Variants in FAM149A observed in about 807,000 individuals in gnomAD.
The protein encoded by FAM149A is family with sequence similarity 149 member A.
FAM149A carries 71 observed loss-of-function variants against 78.2 expected under a neutral mutation model. The ratio of observed to expected loss-of-function variants is 0.91; its 90% CI spans 0.75 to 1.11. The LOEUF (loss-of-function observed/expected upper bound fraction) is 1.11. FAM149A is among the 50% of genes least tolerant of loss of function. The pLI is 0.00. For missense variants in FAM149A, 1,036 were observed against 971.0 expected (o/e 1.07, Z -0.89); for synonymous variants, 446 against 410.5 (o/e 1.09, Z -1.04).
Position 186,163,536 on chromosome 4 carries a change from A to T in FAM149A, c.1792A>T (p.Thr598Ser), listed in dbSNP as rs1303646702. The change falls in exon 10 of 14, where the codon ACA (threonine) becomes TCA (serine). Residue 598 changes from threonine (T) to serine (S), a missense_variant. Around this residue, in one of 3 missense-constraint regions of FAM149A, gnomAD observed 716 missense variants for 711.8 expected, o/e 1.01. Coordinates refer to ENST00000389354, the MANE Select transcript of FAM149A (RefSeq NM_001367768.3). ...TGGATTATCACCTTCTGCAAAGAAA[A>T]CACCAGTGCCCTGGAGGCTGCCTTC... The T allele has an allele frequency of 6.2e-7, 1 of 1,614,134 alleles. No individual in the cohort carries two copies. Among genetic ancestry groups the T allele is most frequent in the Admixed American group, 1.7e-5 (1 of 60,018 alleles).
At chr4:186,137,756 T>C (rs2099324097) in intron 1 of FAM149A, among the ~76,000 whole-genome samples, 1 of 152,020 alleles carries the variant, frequency 6.6e-6, no homozygotes, top group Non-Finnish European at 1.5e-5. Context: ...AAAGAAAAAT[T>C]CTGTTATCAT....
intron 1 of FAM149A, chr4:186,110,082 T>C: frequency 1.0e-6 from 1 of 985,464 alleles, no homozygotes; most frequent in Middle Eastern, 5.2e-4. Flanking sequence ...TTATGTCCAT[T>C]ATCAGACTAT....
At chr4:186,106,003 C>T (rs570439625) in intron 1 of FAM149A, among the ~76,000 whole-genome samples, 12 of 152,242 alleles carry the variant, frequency 7.9e-5, no homozygotes, top group African/African-American at 2.6e-4. Context: ...AGCAGGTGTG[C>T]AGGGAAACCG....
intron 9 of FAM149A, 149 bp from the exon 10 acceptor site, chr4:186,163,275 T>A: frequency 1.6e-6 from 1 of 640,646 alleles, no homozygotes. Flanking sequence ...GAAACAGAAA[T>A]GATGGGTCTT....
At chr4:186,134,438 G>T (rs971697154) in intron 1 of FAM149A, among the ~76,000 whole-genome samples, 14 of 152,180 alleles carry the variant, frequency 9.2e-5, no homozygotes, top group Non-Finnish European at 1.8e-4. Context: ...TTTTTTAGGT[G>T]CATGAGAAAG....
At chr4:186,156,298 A>G in intron 7 of FAM149A, 108 bp downstream of exon 7, 1 of 779,538 alleles carries the variant, frequency 1.3e-6, no homozygotes, top group South Asian at 1.8e-5. Context: ...CAGTGAGAAG[A>G]CAAGTGGGTG....
intron 8 of FAM149A, among the ~76,000 whole-genome samples, chr4:186,159,493 G>A (rs894732019): frequency 6.6e-6 from 1 of 152,110 alleles, no homozygotes; most frequent in South Asian, 2.1e-4. Flanking sequence ...ACTGGCAACT[G>A]CAGCATAGTG....
chr4:186,115,476 T>C (rs1323402662), intron 1 of FAM149A, among the ~76,000 whole-genome samples: 1 of 106,132 alleles, frequency 9.4e-6, no homozygotes. Context: ...GCGCTCTGCG[T>C]TTTAGAGTTT....
At chr4:186,150,076 G>A (rs969666806) in intron 3 of FAM149A, among the ~76,000 whole-genome samples, 16 of 152,144 alleles carry the variant, frequency 1.1e-4, no homozygotes, top group Admixed American at 5.9e-4. Flanking sequence ...ACTGTGATTA[G>A]AGAACTCCCC....
At chr4:186,166,352 A>G (rs1209116245) in intron 11 of FAM149A, among the ~76,000 whole-genome samples, 1 of 152,216 alleles carries the variant, frequency 6.6e-6, no homozygotes, top group Non-Finnish European at 1.5e-5. Context: ...TTAGAATAAC[A>G]TCATTTTACA....
In FAM149A at chr4:186,116,774, A is replaced by G. The variant is rs1054789964; in HGVS notation, c.566+11132A>G. ...GAAAATTGTATTTGAGTTAGCAGTTATATGTTTTTTTGCTGTGTGTTTAAA... is the reference window on the plus strand; with the variant it reads ...GAAAATTGTATTTGAGTTAGCAGTTGTATGTTTTTTTGCTGTGTGTTTAAA... On this transcript the variant is annotated intron_variant, in intron 1 of 13. Coordinates refer to ENST00000389354, the MANE Select transcript of FAM149A (RefSeq NM_001367768.3). 5.1e-6 allele frequency: 5 copies of G among 981,610 alleles called. No homozygotes were observed. The African/African-American group carries it at 7.0e-5, about 14-fold the overall frequency. The allele number at this position is 981,610 out of a possible 1,614,324, so 60.8% of individuals were successfully genotyped here. A position where few individuals can be genotyped will look rare whatever the true frequency, so the allele number is the denominator to read the frequency against.
chr4:186,150,529 C>G, intron 3 of FAM149A, among the ~76,000 whole-genome samples: 1 of 135,520 alleles, frequency 7.4e-6, no homozygotes, highest in Admixed American at 7.6e-5. Flanking sequence ...ACGCCATTCT[C>G]CTGCCTCAGC....
At position 186,171,913 on chromosome 4, in the gene FAM149A, G is replaced by C. The variant is rs756989427; in HGVS notation, c.2219-1G>C. ...AATTACCTTTTGCTTGGTGTTTCCA[G>C]GTTCACAATATGTGCCTAAATCTTT... On this transcript the variant is annotated splice_acceptor_variant, in intron 13 of 13. Coordinates refer to ENST00000389354, the MANE Select transcript of FAM149A (RefSeq NM_001367768.3). LOFTEE classifies it high-confidence loss of function. 1.2e-6 allele frequency: 2 copies of C among 1,603,316 alleles called. No individual in the cohort carries two copies. Among genetic ancestry groups the C allele is most frequent in the Non-Finnish European group, 1.7e-6 (2 of 1,175,986 alleles).
At chr4:186,142,438 G>A (rs1160022228) in intron 1 of FAM149A, among the ~76,000 whole-genome samples, 1 of 152,204 alleles carries the variant, frequency 6.6e-6, no homozygotes, top group East Asian at 1.9e-4. Flanking sequence ...AATGACCTGT[G>A]GCCAGAGGAC....
rs185466445 is a variant in FAM149A at position 186,166,443 on chromosome 4, G to A, written c.2011-525G>A. ...AGGTGGGTGGATCACGAGGGCAAGAGTTCGAGACCAGCCTGGCCAACATAG... is the reference window on the plus strand; with the variant it reads ...AGGTGGGTGGATCACGAGGGCAAGAATTCGAGACCAGCCTGGCCAACATAG... On this transcript the variant is annotated intron_variant, in intron 11 of 13. Transcript: ENST00000389354. Among the ~76,000 whole-genome samples, 176 of 152,250 alleles carry A rather than the reference G, an allele frequency of 1.2e-3. 2 individuals are homozygous for A. The highest frequency in any genetic ancestry group is 3.9e-3 in the African/African-American group (162 of 41,546).
chr4:186,105,516 C>A lies in FAM149A; in HGVS notation c.440C>A (p.Pro147His). ...GCGCTCCCCAGGAACCCGCTCCAGC[C>A]TGGCCCCGGAGAGCGAGAGCTCGGC... The change falls in exon 1 of 14, where the codon CCT becomes CAT. Residue 147 changes from proline to histidine, a missense_variant. Physicochemically the swap from Pro to His is moderately conservative, Grantham distance 77 (BLOSUM62 -2). This residue lies in a region of FAM149A where 316 missense variants were observed against 241.9 expected (regional missense o/e 1.31). Coordinates refer to ENST00000389354, the MANE Select transcript of FAM149A (RefSeq NM_001367768.3). 1 of 1,162,954 alleles carries A rather than the reference C, an allele frequency of 8.6e-7. No individual in the cohort carries two copies. Among genetic ancestry groups the A allele is most frequent in the Non-Finnish European group, 1.1e-6 (1 of 935,836 alleles). 72.0% of individuals were successfully genotyped at this position (1,162,954 alleles called of 1,614,324 possible).
intron 1 of FAM149A, among the ~76,000 whole-genome samples, chr4:186,125,050 C>T (rs1223872515): frequency 1.3e-5 from 2 of 152,158 alleles, no homozygotes; most frequent in South Asian, 2.1e-4. Context: ...CTTTTGGCTG[C>T]ATAAATGTCT....
chr4:186,108,634 A>G (rs1168609630), intron 1 of FAM149A, among the ~76,000 whole-genome samples: 5 of 152,144 alleles, frequency 3.3e-5, no homozygotes, highest in Non-Finnish European at 5.9e-5. Flanking sequence ...AGCCAGAGGC[A>G]GAGGATACTG....
intron 13 of FAM149A, 126 bp downstream of exon 13, chr4:186,167,388 G>T: frequency 1.1e-6 from 1 of 928,636 alleles, no homozygotes; most frequent in Non-Finnish European, 1.8e-6. Context: ...GCAAATGTTT[G>T]GGGCCTGTGG....
Sources: allele counts gnomAD v4.1 joint callset (sites outside exome capture counted in the v4.1 genomes callset), GRCh38; gene constraint gnomAD v4.1.1; regional missense constraint gnomAD v4.1.1; transcripts MANE v1.5; gene names NCBI Gene and HGNC (gene_info 2026-07-23, HGNC 2026-07-21).